Variants in DNAH11 observed in about 807,000 individuals in gnomAD.
DNAH11 encodes axonemal beta dynein heavy chain 11.
DNAH11 carries 442 observed loss-of-function variants against 526.0 expected under a neutral mutation model. The ratio of observed to expected loss-of-function variants is 0.84; its 90% CI spans 0.78 to 0.91. The LOEUF is 0.91. DNAH11 is among the 40% of genes least tolerant of loss of function. The probability of loss-of-function intolerance (pLI) is 0.00; values close to 1 mark genes in which losing one functional copy is unlikely to be tolerated. For synonymous variants in DNAH11, 2,461 were observed against 1,935.9 expected (o/e 1.27, Z -7.12); for missense variants, 6,989 against 5,448.7 (o/e 1.28, Z -8.90).
At chr7:21,805,226 A>C (rs1789209106) in intron 62 of DNAH11, among the ~76,000 whole-genome samples, 1 of 152,166 alleles carries the variant, frequency 6.6e-6, no homozygotes, top group Admixed American at 6.5e-5. Context: ...CTCTGTTAAC[A>C]TTTTTTGATA....
At position 21,704,570 on chromosome 7, in the gene DNAH11, T is replaced by G; in HGVS notation, c.6410T>G (p.Met2137Arg). The G allele has an allele frequency of 8.7e-6, 14 of 1,613,840 alleles. No homozygotes were observed. The highest frequency in any genetic ancestry group is 1.2e-5 in the Non-Finnish European group (14 of 1,179,802). ...PRRRKLHFEQ[M>R]VRQSTLELRL... ...AGGAGGAAGCTGCACTTTGAACAGA[T>G]GGTCAGGCAGTCTACCCTGGAGCTC... Residue 2137 changes from methionine (M) to arginine (R), a missense_variant, in exon 38 of 82, where the codon ATG becomes AGG. Transcript: ENST00000409508.
intron 13 of DNAH11, 29 bp downstream of exon 13, chr7:21,591,051 C>T (rs756099064): frequency 2.1e-6 from 3 of 1,416,894 alleles, no homozygotes; most frequent in Non-Finnish European, 1.9e-6. Context: ...AAAAAAGATA[C>T]TAGGGCCTAT....
At chr7:21,756,948 A>C (rs1786664883) in intron 54 of DNAH11, among the ~76,000 whole-genome samples, 2 of 152,156 alleles carry the variant, frequency 1.3e-5, no homozygotes, top group Admixed American at 1.3e-4. Flanking sequence ...TTCATTTTAC[A>C]CATTTCTCAT....
intron 4 of DNAH11, among the ~76,000 whole-genome samples, chr7:21,560,623 C>G (rs1164744980): frequency 2.0e-5 from 3 of 151,978 alleles, no homozygotes; most frequent in Non-Finnish European, 4.4e-5. Flanking sequence ...CCAGAAGACT[C>G]AGGAAGTCTG....
intron 2 of DNAH11, among the ~76,000 whole-genome samples, chr7:21,546,610 C>G (rs774978892): frequency 3.3e-5 from 5 of 152,150 alleles, no homozygotes; most frequent in African/African-American, 9.7e-5. Flanking sequence ...GGTATGCCTG[C>G]TCCTCAACAT....
At chr7:21,869,992 T>C (rs2128036464) in intron 73 of DNAH11, among the ~76,000 whole-genome samples, 1 of 152,328 alleles carries the variant, frequency 6.6e-6, no homozygotes, top group East Asian at 1.9e-4. Context: ...GGAATGGCTA[T>C]TTAGTTTTCA....
intron 30 of DNAH11, among the ~76,000 whole-genome samples, chr7:21,677,203 C>CTTT (rs34054122): frequency 6.4e-5 from 8 of 124,140 alleles, no homozygotes; most frequent in East Asian, 2.3e-4. Flanking sequence ...CAGATACTGC[C>CTTT]TTTTTTTTTT....
chr7:21,591,102 C>T (rs1784659628), intron 13 of DNAH11, 80 bp downstream of exon 13: 4 of 1,426,890 alleles, frequency 2.8e-6, no homozygotes, highest in South Asian at 3.2e-5. Context: ...TTATATAGAT[C>T]TATATGATAT....
intron 56 of DNAH11, among the ~76,000 whole-genome samples, chr7:21,775,684 TG>T (rs1787640937): frequency 6.6e-6 from 1 of 152,166 alleles, no homozygotes; most frequent in Non-Finnish European, 1.5e-5. Flanking sequence ...TCTTAACTTT[TG>T]CCCCTCTCCA....
intron 74 of DNAH11, among the ~76,000 whole-genome samples, chr7:21,877,874 CAAAAAAAAAAA>C (rs59694030): frequency 1.5e-5 from 1 of 66,612 alleles, no homozygotes; most frequent in African/African-American, 6.8e-5. Context: ...GACTCCATCT[CAAAAAAAAAAA>C]AAAAAAAAAA....
intron 44 of DNAH11, among the ~76,000 whole-genome samples, chr7:21,722,777 G>A (rs1261459538): frequency 6.6e-6 from 1 of 152,138 alleles, no homozygotes; most frequent in Non-Finnish European, 1.5e-5. Flanking sequence ...GTTAATGGAG[G>A]CCACATGCAG....
intron 54 of DNAH11, among the ~76,000 whole-genome samples, chr7:21,757,799 A>G (rs889896224): frequency 1.5e-4 from 23 of 152,242 alleles, no homozygotes; most frequent in Admixed American, 5.9e-4. Context: ...CAACAGATTA[A>G]CAGACACACA....
At chr7:21,843,561 A>G (rs957434065) in intron 66 of DNAH11, among the ~76,000 whole-genome samples, 2 of 151,112 alleles carry the variant, frequency 1.3e-5, no homozygotes, top group Admixed American at 6.6e-5. Context: ...GCTCACTGCA[A>G]CCTCCGCCTC....
intron 55 of DNAH11, among the ~76,000 whole-genome samples, chr7:21,767,393 T>C (rs1449596263): frequency 6.6e-6 from 1 of 152,164 alleles, no homozygotes; most frequent in African/African-American, 2.4e-5. Flanking sequence ...GTGCAGGCTT[T>C]TTCCTGTCCA....
chr7:21,762,095 C>A (rs546753124), intron 54 of DNAH11, among the ~76,000 whole-genome samples: 3 of 152,134 alleles, frequency 2.0e-5, no homozygotes, highest in Non-Finnish European at 4.4e-5. Context: ...ATCATGAGAA[C>A]AGCATGGGGG....
intron 76 of DNAH11, among the ~76,000 whole-genome samples, chr7:21,885,189 CA>C (rs1274734395): frequency 8.2e-6 from 1 of 122,692 alleles, no homozygotes; most frequent in African/African-American, 3.0e-5. Context: ...AAAAAAAAAA[CA>C]CACACATTTA....
Position 21,564,320 on chromosome 7 carries a change from A to G in DNAH11, c.1117A>G (p.Ser373Gly). ...ATTTCATACCATCTGTCTGATCTGG[A>G]GTCATTCCAAGTTTTATAACACCCC... ...PLFHTICLIW[S>G]HSKFYNTPAR... Residue 373 changes from serine (S) to glycine (G), a missense_variant, in exon 6 of 82, where the codon AGT (serine) becomes GGT (glycine). Coordinates refer to ENST00000409508, the MANE Select transcript of DNAH11 (RefSeq NM_001277115.2). 2 of 1,613,630 alleles carry G rather than the reference A, an allele frequency of 1.2e-6. No individual in the cohort carries two copies. The highest frequency in any genetic ancestry group is 1.7e-6 in the Non-Finnish European group (2 of 1,179,740).
At chr7:21,707,607 T>A (rs940392258) in intron 39 of DNAH11, 92 bp from the exon 40 acceptor site, 3 of 1,453,292 alleles carry the variant, frequency 2.1e-6, no homozygotes, top group Non-Finnish European at 2.8e-6. Flanking sequence ...TAGGAACATA[T>A]AATGAATACG....
chr7:21,581,398 T>C (rs1252789032), intron 8 of DNAH11, among the ~76,000 whole-genome samples: 12 of 152,188 alleles, frequency 7.9e-5, no homozygotes, highest in African/African-American at 2.9e-4. Flanking sequence ...ACTAATGATA[T>C]TTTCTTACCA....
Sources: gnomAD v4.1 joint callset for allele counts (sites outside exome capture counted in the v4.1 genomes callset) on GRCh38, gnomAD v4.1.1 for gene constraint, MANE v1.5 for transcripts, NCBI Gene and HGNC (gene_info 2026-07-23, HGNC 2026-07-21) for gene names.